The following TENM3 variants were observed in gnomAD, a reference collection of about 807,000 sequenced individuals.
TENM3 encodes teneurin-3.
A neutral mutation model predicts 255.1 loss-of-function variants in TENM3; 63 were observed. That is an observed-to-expected ratio of 0.25 (90% CI 0.20 to 0.30). The LOEUF (loss-of-function observed/expected upper bound fraction) is 0.30, where lower values mean the gene tolerates loss of function less well. TENM3 is among the 10% of genes least tolerant of loss of function. TENM3 has a pLI of 1.00. For missense variants in TENM3, 2,929 were observed against 3,461.1 expected (o/e 0.85, Z 3.86); for synonymous variants, 1,306 against 1,322.3 (o/e 0.99, Z 0.27).
chr4:181,479,742 A>G, the TENM3 span, among the ~76,000 whole-genome samples: 1,110 of 152,228 alleles, frequency 7.3e-3, 14 homozygotes, highest in African/African-American at 0.024. Context: ...GTATGTATAT[A>G]TTTTTCTTTT....
At chr4:181,532,110 G>A in the TENM3 span, among the ~76,000 whole-genome samples, 1 of 152,068 alleles carries the variant, frequency 6.6e-6, no homozygotes, top group Non-Finnish European at 1.5e-5. Flanking sequence ...AGCGTGTCTG[G>A]GAAAGAAAGT....
intron 22 of TENM3, among the ~76,000 whole-genome samples, chr4:182,772,952 A>G (rs776785345): frequency 6.6e-6 from 1 of 152,208 alleles, no homozygotes; most frequent in Non-Finnish European, 1.5e-5. Flanking sequence ...AGAAATAAGA[A>G]AGTCTTTAAA....
intron 6 of TENM3, among the ~76,000 whole-genome samples, chr4:182,671,455 C>T (rs1449088153): frequency 6.6e-6 from 1 of 152,158 alleles, no homozygotes; most frequent in Non-Finnish European, 1.5e-5. Context: ...TCAATGTTTA[C>T]CACCAAACTT....
chr4:182,191,644 C>G lies in TENM3; in HGVS notation c.-76+46890C>G, dbSNP rs549121574. ...CTGGTTTACCATTACATCATATGTACTAATAAATACTTAACAATTTTTGTT... is the reference window on the plus strand; with the variant it reads ...CTGGTTTACCATTACATCATATGTAGTAATAAATACTTAACAATTTTTGTT... On this transcript the variant is annotated intron_variant, in intron 1 of 2. Coordinates refer to the TENM3 transcript ENST00000512480. Among the ~76,000 whole-genome samples the G allele has an allele frequency of 3.3e-5, 5 of 152,256 alleles. No homozygotes were observed. In the East Asian group the frequency reaches 9.7e-4, roughly 29 times the overall value.
intron 2 of TENM3, among the ~76,000 whole-genome samples, chr4:182,339,300 C>T (rs922804715): frequency 2.0e-5 from 3 of 152,104 alleles, no homozygotes; most frequent in African/African-American, 4.8e-5. Context: ...TAAATGTCAG[C>T]GGCAGGATTA....
chr4:181,934,075 T>TGTGTGTGTGTGC, the TENM3 span, among the ~76,000 whole-genome samples: 9 of 147,990 alleles, frequency 6.1e-5, no homozygotes, highest in African/African-American at 2.3e-4. Flanking sequence ...TGTGTGTGTG[T>TGTGTGTGTGTGC]GCGCGCGCTT....
At chr4:181,753,625 T>C in the TENM3 span, among the ~76,000 whole-genome samples, 1 of 152,214 alleles carries the variant, frequency 6.6e-6, no homozygotes, top group Non-Finnish European at 1.5e-5. Flanking sequence ...CAATTTTAGA[T>C]TATTTGCTGA....
the TENM3 span, among the ~76,000 whole-genome samples, chr4:182,061,557 T>G: frequency 6.6e-6 from 1 of 152,128 alleles, no homozygotes. Flanking sequence ...CTTTATAAAA[T>G]GCTCCCCAAC....
the TENM3 span, among the ~76,000 whole-genome samples, chr4:181,916,041 A>T: frequency 6.6e-6 from 1 of 152,082 alleles, no homozygotes; most frequent in African/African-American, 2.4e-5. Flanking sequence ...AGGCCCCTTC[A>T]AGTCATACAT....
intron 3 of TENM3, among the ~76,000 whole-genome samples, chr4:182,376,463 A>T (rs1371012209): frequency 6.6e-6 from 1 of 152,200 alleles, no homozygotes; most frequent in African/African-American, 2.4e-5. Context: ...ACTGCATTAT[A>T]TTTAAAGATA....
At chr4:181,739,303 T>G in the TENM3 span, among the ~76,000 whole-genome samples, 2 of 152,146 alleles carry the variant, frequency 1.3e-5, no homozygotes, top group African/African-American at 4.8e-5. Flanking sequence ...AACCAATGTT[T>G]AAGAATGAAG....
chr4:181,787,153 G>T, the TENM3 span, among the ~76,000 whole-genome samples: 1 of 152,144 alleles, frequency 6.6e-6, no homozygotes, highest in Non-Finnish European at 1.5e-5. Flanking sequence ...GACACGCCTT[G>T]TTCCACCCCC....
Position 182,792,205 on chromosome 4 carries a change from T to C in TENM3, c.5602-69T>C. 2 of 1,363,330 alleles carry C rather than the reference T, an allele frequency of 1.5e-6. No homozygotes were observed. Among genetic ancestry groups the C allele is most frequent in the Admixed American group, 3.9e-5 (2 of 51,414 alleles). The allele number at this position is 1,363,330 out of a possible 1,614,324, so 84.5% of individuals were successfully genotyped here. On this transcript the variant is annotated intron_variant, in intron 25 of 27. Transcript: ENST00000511685. This position sits in a 1 kb window ranked among gnomAD's most constrained non-coding sequence, Gnocchi z 6.3. ...CTAGTGGAATGTTTCTGTGCATCTG[T>C]GGTCACTAAATCTGCTTTTGCATCT...
At chr4:182,592,729 G>A (rs185373538) in intron 3 of TENM3, among the ~76,000 whole-genome samples, 355 of 152,178 alleles carry the variant, frequency 2.3e-3, no homozygotes, top group Middle Eastern at 6.8e-3. Context: ...AAAATCATAT[G>A]ATAGTAAAAT....
chr4:182,434,872 A>G (rs1316885316), intron 3 of TENM3, among the ~76,000 whole-genome samples: 2 of 152,136 alleles, frequency 1.3e-5, no homozygotes, highest in African/African-American at 2.4e-5. Flanking sequence ...CTGGACCTCT[A>G]CGGAGAAGCT....
At chr4:181,456,133 G>A in the TENM3 span, among the ~76,000 whole-genome samples, 2 of 145,294 alleles carry the variant, frequency 1.4e-5, no homozygotes, top group Non-Finnish European at 3.0e-5. Flanking sequence ...ATATATGTGT[G>A]TGTGTGTGTG....
chr4:181,564,978 G>A, the TENM3 span, among the ~76,000 whole-genome samples: 1 of 152,176 alleles, frequency 6.6e-6, no homozygotes, highest in African/African-American at 2.4e-5. Flanking sequence ...CTGGTCGAAT[G>A]TGAGATCCTT....
At chr4:181,528,998 A>G in the TENM3 span, among the ~76,000 whole-genome samples, 23 of 152,346 alleles carry the variant, frequency 1.5e-4, 1 homozygote, top group East Asian at 4.4e-3. Context: ...AGATTAGTAT[A>G]CTTTAAAATG....
chr4:182,738,550 C>T lies in TENM3; in HGVS notation c.3379+6C>T. On this transcript the variant is annotated splice_donor_region_variant and intron_variant, in intron 18 of 27. Coordinates refer to ENST00000511685, the MANE Select transcript of TENM3 (RefSeq NM_001080477.4). ...CGTGCTGGATGTACAGAACGGTAAG[C>T]TCTTGTTCATAGATAACTGATGTTG... 1 of 1,605,722 alleles carries T rather than the reference C, an allele frequency of 6.2e-7. No homozygotes were observed. Among genetic ancestry groups the T allele is most frequent in the Non-Finnish European group, 8.5e-7 (1 of 1,176,130 alleles).
Sources: allele counts gnomAD v4.1 joint callset (sites outside exome capture counted in the v4.1 genomes callset), GRCh38; gene constraint gnomAD v4.1.1; non-coding constraint Gnocchi (gnomAD v3.1); transcripts MANE v1.5; gene names NCBI Gene and HGNC (gene_info 2026-07-23, HGNC 2026-07-21).